GLMN: variants seen among roughly 807,000 people sequenced by gnomAD.
GLMN encodes glomulin.
A neutral mutation model predicts 87.8 loss-of-function variants in GLMN; 75 were observed. The ratio of observed to expected loss-of-function variants is 0.85; its 90% CI spans 0.71 to 1.04. GLMN has a LOEUF of 1.04. GLMN is among the 50% of genes least tolerant of loss of function. The probability of loss-of-function intolerance (pLI) is 0.00; values close to 1 mark genes in which losing one functional copy is unlikely to be tolerated. For synonymous variants in GLMN, 206 were observed against 221.6 expected, an observed-to-expected ratio of 0.93 and a Z score of 0.63; for missense variants, 588 against 658.8, an observed-to-expected ratio of 0.89 and a Z score of 1.18.
chr1:92,269,591 T>C, intron 9 of GLMN, 132 bp downstream of exon 9: 1 of 681,074 alleles, frequency 1.5e-6, no homozygotes, highest in Non-Finnish European at 2.7e-6. Context: ...GTGAATTATT[T>C]GCCTCGCTGT....
At chr1:92,254,108 C>T (rs185687206) in intron 16 of GLMN, among the ~76,000 whole-genome samples, 13 of 152,208 alleles carry the variant, frequency 8.5e-5, no homozygotes, top group Admixed American at 1.3e-4. Flanking sequence ...AGCACAAGAA[C>T]TTCGTGAAGC....
At chr1:92,249,898 A>T (rs1570818451) in intron 16 of GLMN, among the ~76,000 whole-genome samples, 1 of 152,174 alleles carries the variant, frequency 6.6e-6, no homozygotes, top group South Asian at 2.1e-4. Context: ...GGCATATTTC[A>T]ATGTAATGAC....
intron 16 of GLMN, 31 bp downstream of exon 16, chr1:92,262,832 C>T (rs944171157): frequency 3.4e-6 from 3 of 883,614 alleles, no homozygotes; most frequent in Non-Finnish European, 5.8e-6. Context: ...TTTGAATATA[C>T]TCACAGTTTC....
At chr1:92,332,863 G>A in the GLMN span, among the ~76,000 whole-genome samples, 2 of 152,140 alleles carry the variant, frequency 1.3e-5, no homozygotes, top group African/African-American at 2.4e-5. Context: ...ATCTCAGACT[G>A]TAATTCTTTA....
At chr1:92,344,787 G>C in the GLMN span, among the ~76,000 whole-genome samples, 1 of 152,092 alleles carries the variant, frequency 6.6e-6, no homozygotes, top group Non-Finnish European at 1.5e-5. Context: ...TGGATGGAGT[G>C]AATTATTGTC....
chr1:92,250,520 G>A (rs1653329909), intron 16 of GLMN, among the ~76,000 whole-genome samples: 1 of 152,026 alleles, frequency 6.6e-6, no homozygotes, highest in Non-Finnish European at 1.5e-5. Context: ...CCATTCACAC[G>A]GGGTAAAAGT....
chr1:92,297,443 T>C lies in GLMN; in HGVS notation c.126A>G (p.Thr42=). The part of the protein sequence containing the change: ...AGQRCIEEGH[T]DQLLEIIQNE... ...TTTGAATAATTTCTAATAGCTGGTC[T>C]GTGTGCCCTTCTTCTATGCATCTTT... The change falls in exon 3 of 19, where the codon ACA becomes ACG. Residue 42 remains threonine (T), a synonymous_variant. Coordinates refer to ENST00000370360, the MANE Select transcript of GLMN (RefSeq NM_053274.3). 1.2e-6 allele frequency: 2 copies of C among 1,610,838 alleles called. No homozygotes were observed. Among genetic ancestry groups the C allele is most frequent in the Non-Finnish European group, 1.7e-6 (2 of 1,177,498 alleles).
At chr1:92,318,302 C>T in the GLMN span, among the ~76,000 whole-genome samples, 3 of 152,104 alleles carry the variant, frequency 2.0e-5, no homozygotes, top group South Asian at 2.1e-4. Flanking sequence ...TCTTAGCATC[C>T]CTGGGGAAAT....
chr1:92,259,737 T>C (rs1654767154), intron 16 of GLMN, among the ~76,000 whole-genome samples: 2 of 131,178 alleles, frequency 1.5e-5, no homozygotes, highest in African/African-American at 6.8e-5. Context: ...TCTTTCTTTT[T>C]TTTTTTTTTT....
the GLMN span, among the ~76,000 whole-genome samples, chr1:92,358,754 TA>T: frequency 7.4e-5 from 11 of 148,324 alleles, no homozygotes; most frequent in South Asian, 4.2e-4. Flanking sequence ...TGCTCAGCTT[TA>T]AAAAAAAAAA....
chr1:92,333,410 TG>T, the GLMN span: 1 of 1,613,512 alleles, frequency 6.2e-7, no homozygotes, highest in Non-Finnish European at 8.5e-7. Flanking sequence ...ACCTTTCCAC[TG>T]ATAGACTCAA....
rs764738023 is a variant in GLMN at position 92,246,579 on chromosome 1, A to G, written c.1736T>C (p.Ile579Thr). Reference sequence around the variant, plus strand: ...AGAGGTAGACTTTGTTTTTATTTCAATGAGTTCTTCCACTCGAGCTAGAAC... The same window carrying G: ...AGAGGTAGACTTTGTTTTTATTTCAGTGAGTTCTTCCACTCGAGCTAGAAC... ...ESVLARVEEL[I>T]EIKTKSTSEE... Residue 579 changes from isoleucine (I) to threonine (T), a missense_variant, in exon 19 of 19, where the codon ATT (isoleucine) becomes ACT (threonine). By Grantham distance (89) the Ile-to-Thr change is moderately conservative (BLOSUM62 -1). Coordinates refer to ENST00000370360, the MANE Select transcript of GLMN (RefSeq NM_053274.3). The G allele has an allele frequency of 6.9e-6, 11 of 1,590,528 alleles. No individual in the cohort carries two copies. Among genetic ancestry groups the G allele is most frequent in the African/African-American group, 2.7e-5 (2 of 74,466 alleles).
chr1:92,292,037 TTACCA>T (rs1421945423), intron 3 of GLMN, among the ~76,000 whole-genome samples: 2 of 152,244 alleles, frequency 1.3e-5, no homozygotes, highest in African/African-American at 4.8e-5. Context: ...TTCAGAATGC[TTACCA>T]TACAAGTAAA....
At chr1:92,316,202 C>T in the GLMN span, among the ~76,000 whole-genome samples, 1 of 152,186 alleles carries the variant, frequency 6.6e-6, no homozygotes, top group Non-Finnish European at 1.5e-5. Context: ...GCGCCATCAT[C>T]TGGTCCAGAG....
Position 92,246,567 on chromosome 1 carries a change from GT to G in GLMN, c.1747del (p.Thr583GlnfsTer11). On this transcript the variant is annotated frameshift_variant, in exon 19 of 19. Coordinates refer to ENST00000370360, the MANE Select transcript of GLMN (RefSeq NM_053274.3). LOFTEE classifies it high-confidence loss of function. ...ARVEELIEIK[T>X]KSTSEENIGI... ...AATATTTTCTTCAGAGGTAGACTTTGTTTTTATTTCAATGAGTTCTTCCACT... is the reference window on the plus strand; with the variant it reads ...AATATTTTCTTCAGAGGTAGACTTTGTTTTATTTCAATGAGTTCTTCCACT... The G allele has an allele frequency of 6.4e-7, 1 of 1,559,908 alleles. No homozygotes were observed. Among genetic ancestry groups the G allele is most frequent in the Non-Finnish European group, 8.8e-7 (1 of 1,130,604 alleles).
At chr1:92,333,501 T>TGTA in the GLMN span, 1 of 1,480,116 alleles carries the variant, frequency 6.8e-7, no homozygotes, top group African/African-American at 1.4e-5. Context: ...ATTCCAGCTT[T>TGTA]GTAGTAGTTT....
At chr1:92,270,830 A>C (rs1274482435) in intron 8 of GLMN, among the ~76,000 whole-genome samples, 1 of 152,178 alleles carries the variant, frequency 6.6e-6, no homozygotes, top group African/African-American at 2.4e-5. Context: ...AGCATATACA[A>C]AGGCCAAATA....
chr1:92,287,890 C>T (rs1314000199), intron 6 of GLMN, among the ~76,000 whole-genome samples: 1 of 151,478 alleles, frequency 6.6e-6, no homozygotes, highest in Non-Finnish European at 1.5e-5. Flanking sequence ...TAACACAGCC[C>T]CATATATAAT....
intron 16 of GLMN, among the ~76,000 whole-genome samples, chr1:92,253,522 C>T (rs761605600): frequency 1.2e-4 from 19 of 152,174 alleles, no homozygotes; most frequent in Non-Finnish European, 2.2e-4. Context: ...AGGAGAGCTC[C>T]GGCTGGCATC....
Sources: gnomAD v4.1 joint callset for allele counts (sites outside exome capture counted in the v4.1 genomes callset) on GRCh38, gnomAD v4.1.1 for gene constraint, MANE v1.5 for transcripts, NCBI Gene and HGNC (gene_info 2026-07-23, HGNC 2026-07-21) for gene names.